The following ARHGEF10 variants were observed in gnomAD, a reference collection of about 807,000 sequenced individuals.
The protein encoded by ARHGEF10 is Rho guanine nucleotide exchange factor (GEF) 10.
A neutral mutation model predicts 147.4 loss-of-function variants in ARHGEF10; 140 were observed. That is an observed-to-expected ratio of 0.95 (90% CI 0.83 to 1.09). The LOEUF (loss-of-function observed/expected upper bound fraction) is 1.09. Ranked by LOEUF, ARHGEF10 falls within the 50% of genes least tolerant of loss-of-function variation. The probability of loss-of-function intolerance (pLI) is 0.00; values close to 1 mark genes in which losing one functional copy is unlikely to be tolerated. For synonymous variants in ARHGEF10, 902 were observed against 695.8 expected, an observed-to-expected ratio of 1.30 and a Z score of -4.67; for missense variants, 2,222 against 1,752.7, an observed-to-expected ratio of 1.27 and a Z score of -4.78.
At chr8:1,896,278 G>A in intron 13 of ARHGEF10, 55 bp from the exon 14 acceptor site, 1 of 1,254,674 alleles carries the variant, frequency 8.0e-7, no homozygotes. Flanking sequence ...TTTTATGTTG[G>A]AAAAGGGATA....
intron 1 of ARHGEF10, among the ~76,000 whole-genome samples, chr8:1,827,096 C>T (rs561876846): frequency 1.2e-4 from 18 of 152,286 alleles, no homozygotes; most frequent in African/African-American, 4.3e-4. Context: ...AGCCCCAGGT[C>T]CGTCTAGGGA....
rs571559459 is a variant in ARHGEF10 at position 1,886,740 on chromosome 8, G to A, written c.1182+1033G>A. Among the ~76,000 whole-genome samples, 13 of 152,298 alleles carry A rather than the reference G, an allele frequency of 8.5e-5. No individual in the cohort carries two copies. In the East Asian group the frequency reaches 1.2e-3, roughly 14 times the overall value. ...ACTGCATTTCATCCTTGCAAATCCC[G>A]TTGCCATCCTTGTGTACTCTGTAAG... On this transcript the variant is annotated intron_variant, in intron 11 of 28. Transcript: ENST00000349830.
At chr8:1,925,765 C>G (rs1020869153) in intron 22 of ARHGEF10, among the ~76,000 whole-genome samples, 1 of 152,192 alleles carries the variant, frequency 6.6e-6, no homozygotes, top group African/African-American at 2.4e-5. Context: ...AACTCCAGGT[C>G]TCCTGTCTGC....
intron 4 of ARHGEF10, among the ~76,000 whole-genome samples, chr8:1,864,006 C>T (rs899735261): frequency 6.6e-6 from 1 of 151,980 alleles, no homozygotes; most frequent in African/African-American, 2.4e-5. Flanking sequence ...TGGGAGAGAA[C>T]ATCCCGTTTC....
At chr8:1,932,269 G>GA (rs915771773) in intron 25 of ARHGEF10, among the ~76,000 whole-genome samples, 7 of 968 alleles carry the variant, frequency 7.2e-3, no homozygotes, top group Non-Finnish European at 0.011. Context: ...AGGAGTGTGA[G>GA]GGGTGTGCAT....
At chr8:1,909,884 T>A (rs1178323258) in intron 18 of ARHGEF10, among the ~76,000 whole-genome samples, 2 of 152,202 alleles carry the variant, frequency 1.3e-5, no homozygotes, top group African/African-American at 4.8e-5. Context: ...GCTCACCTGC[T>A]CACACTGCTG....
rs111204967 is a variant in ARHGEF10, at chr8:1,832,893, C to T, written c.-48+8780C>T. 1.4e-4 allele frequency among the ~76,000 whole-genome samples: 5 copies of T among 36,418 alleles called. 1 individual carries two copies. The highest frequency in any genetic ancestry group is 5.1e-4 in the African/African-American group (4 of 7,792). 23.9% of individuals were successfully genotyped at this position (36,418 alleles called of 152,430 possible). ...GCAGAGACAGAGAGACAGAGGCAGA[C>T]GCAGAGACAGAGAGACAGACAGAGG... On this transcript the variant is annotated intron_variant, in intron 1 of 28. Transcript: ENST00000349830.
chr8:1,823,753 C>G (rs1027346407), upstream of ARHGEF10, among the ~76,000 whole-genome samples: 22 of 151,728 alleles, frequency 1.4e-4, no homozygotes, highest in Non-Finnish European at 2.7e-4. Flanking sequence ...CAGCCTGGGC[C>G]GGGCGTTGGG....
At position 1,839,690 on chromosome 8, in the gene ARHGEF10, C is replaced by G. The variant is rs1271816168; in HGVS notation, c.-47-3663C>G. Among the ~76,000 whole-genome samples the G allele has an allele frequency of 9.7e-4, 122 of 126,086 alleles. 6 individuals are homozygous for G. Among genetic ancestry groups the G allele is most frequent in the African/African-American group, 3.8e-3 (120 of 31,602 alleles). The allele number at this position is 126,086 out of a possible 152,430, so 82.7% of individuals were successfully genotyped here. ...TCTGGTGTGGAAACTGGTGTGGGGA[C>G]TGTCCGGTGTGGGGACTGTCTGGTG... is the stretch of plus-strand genomic sequence containing the variant. On this transcript the variant is annotated intron_variant, in intron 1 of 28. Coordinates refer to ENST00000349830, the MANE Select transcript of ARHGEF10 (RefSeq NM_014629.4).
At chr8:1,862,954 A>G (rs927280874) in intron 4 of ARHGEF10, among the ~76,000 whole-genome samples, 8 of 144,840 alleles carry the variant, frequency 5.5e-5, no homozygotes, top group African/African-American at 1.8e-4. Flanking sequence ...AATTTTTTGT[A>G]TTTTTTTTTT....
At chr8:1,871,608 AG>A (rs572107001) in intron 7 of ARHGEF10, among the ~76,000 whole-genome samples, 77 of 152,276 alleles carry the variant, frequency 5.1e-4, no homozygotes, top group African/African-American at 1.6e-3. Flanking sequence ...TCATGAGGTC[AG>A]GAGTTCAAGA....
At chr8:1,873,378 A>G (rs1190803919) in intron 7 of ARHGEF10, among the ~76,000 whole-genome samples, 1 of 151,956 alleles carries the variant, frequency 6.6e-6, no homozygotes, top group Non-Finnish European at 1.5e-5. Flanking sequence ...GTGAGCAAAA[A>G]GCAAAAGCAA....
chr8:1,882,772 G>A (rs775779542), intron 10 of ARHGEF10, 23 bp downstream of exon 10: 2 of 1,519,782 alleles, frequency 1.3e-6, no homozygotes, highest in East Asian at 5.0e-5. Flanking sequence ...AGGTCTTCTT[G>A]CGGGGAGGAC....
chr8:1,836,905 T>C (rs1803617296), intron 1 of ARHGEF10, among the ~76,000 whole-genome samples: 1 of 152,206 alleles, frequency 6.6e-6, no homozygotes, highest in Non-Finnish European at 1.5e-5. Context: ...CTTTTGCTTC[T>C]TCCTCATTTT....
intron 25 of ARHGEF10, among the ~76,000 whole-genome samples, 163 bp from the exon 26 acceptor site, chr8:1,933,637 G>C (rs1006613864): frequency 6.6e-6 from 1 of 152,168 alleles, no homozygotes; most frequent in Non-Finnish European, 1.5e-5. Context: ...ACTGGGGTGG[G>C]TGTCAGCTTG....
At position 1,957,048 on chromosome 8, in the gene ARHGEF10, C is replaced by G; in HGVS notation, c.3820C>G (p.His1274Asp). ...GTCTCACGGCTCCAGCTCTCTAGAG[C>G]ACAGATCAGAGGACAGCACCATCTA... ...SLSHGSSSLE[H>D]RSEDSTIYDL... Residue 1274 changes from histidine to aspartate, a missense_variant, in exon 29 of 29, where the codon CAC becomes GAC. Physicochemically the swap from His to Asp is moderately conservative, Grantham distance 81. Transcript: ENST00000349830. 1 of 1,613,878 alleles carries G rather than the reference C, an allele frequency of 6.2e-7. No homozygotes were observed. Among genetic ancestry groups the G allele is most frequent in the Admixed American group, 1.7e-5 (1 of 60,020 alleles).
intron 26 of ARHGEF10, chr8:1,943,942 G>C (rs1384647754): frequency 6.6e-6 from 1 of 152,362 alleles, no homozygotes; most frequent in Non-Finnish European, 1.5e-5. Context: ...GGACCTGGGG[G>C]GTTCCAGTTT....
intron 1 of ARHGEF10, among the ~76,000 whole-genome samples, chr8:1,840,857 C>T (rs188781756): frequency 7.9e-5 from 12 of 152,244 alleles, no homozygotes; most frequent in Admixed American, 7.2e-4. Context: ...TCCCGCCTCA[C>T]GGGTGCTGCT....
chr8:1,852,000 G>A (rs1408263927), intron 2 of ARHGEF10, among the ~76,000 whole-genome samples: 1 of 152,082 alleles, frequency 6.6e-6, no homozygotes, highest in Non-Finnish European at 1.5e-5. Context: ...GGCCCTGTGG[G>A]TGTGGGGACG....
Sources: gnomAD v4.1 joint callset for allele counts (sites outside exome capture counted in the v4.1 genomes callset) on GRCh38, gnomAD v4.1.1 for gene constraint, MANE v1.5 for transcripts, NCBI Gene and HGNC (gene_info 2026-07-23, HGNC 2026-07-21) for gene names.